Variants in SND1 observed in about 807,000 individuals in gnomAD.
The protein encoded by SND1 is staphylococcal nuclease and tudor domain containing 1, also known as staphylococcal nuclease domain-containing protein 1.
SND1 carries 38 observed loss-of-function variants against 121.7 expected under a neutral mutation model. The ratio of observed to expected loss-of-function variants is 0.31; its 90% CI spans 0.24 to 0.41. The LOEUF is 0.41. Among genes scored for constraint, SND1 ranks in the 10% least tolerant of loss-of-function variants. The probability of loss-of-function intolerance (pLI) is 1.00; values close to 1 mark genes in which losing one functional copy is unlikely to be tolerated. For missense variants in SND1, 868 were observed against 1,184.6 expected (o/e 0.73, Z 3.92); for synonymous variants, 401 against 447.4 (o/e 0.90, Z 1.31).
At chr7:127,848,662 G>A (rs943837196) in intron 12 of SND1, among the ~76,000 whole-genome samples, 2 of 152,150 alleles carry the variant, frequency 1.3e-5, no homozygotes, top group Non-Finnish European at 2.9e-5. Context: ...TTATTAAAGA[G>A]AACAGCAGAC....
In SND1 at chr7:127,807,519, T is replaced by A. The variant is rs1016328912; in HGVS notation, c.1188T>A (p.Ile396=). ...KNKKLRPLYD[I]PYMFEAREFL... Reference sequence around the variant, plus strand: ...AGAAACTGCGTCCCCTGTATGACATTCCTTACATGTTTGAGGCCCGGGAAT... The same window carrying A: ...AGAAACTGCGTCCCCTGTATGACATACCTTACATGTTTGAGGCCCGGGAAT... The change falls in exon 11 of 24, where the codon ATT becomes ATA. Residue 396 remains isoleucine, a synonymous_variant. Coordinates refer to ENST00000354725, the MANE Select transcript of SND1 (RefSeq NM_014390.4). The A allele has an allele frequency of 6.2e-7, 1 of 1,614,014 alleles. No individual in the cohort carries two copies. The highest frequency in any genetic ancestry group is 1.3e-5 in the African/African-American group (1 of 74,942).
chr7:127,716,348 G>T (rs776303369), intron 9 of SND1, among the ~76,000 whole-genome samples: 5 of 152,170 alleles, frequency 3.3e-5, no homozygotes, highest in African/African-American at 1.2e-4. Context: ...ATCATGGGAC[G>T]TGTTTCCGTT....
chr7:127,725,368 G>T (rs1796564425), intron 10 of SND1, among the ~76,000 whole-genome samples: 1 of 152,176 alleles, frequency 6.6e-6, no homozygotes, highest in Non-Finnish European at 1.5e-5. Flanking sequence ...TCATGCCAGG[G>T]GCCATGGCTT....
At chr7:127,664,452 G>A (rs948032819) in intron 1 of SND1, among the ~76,000 whole-genome samples, 1 of 152,182 alleles carries the variant, frequency 6.6e-6, no homozygotes, top group Admixed American at 6.5e-5. Flanking sequence ...TTGGGGTTGG[G>A]GAAAATGGGG....
At chr7:127,935,961 C>G (rs1801052421) in intron 15 of SND1, among the ~76,000 whole-genome samples, 1 of 152,174 alleles carries the variant, frequency 6.6e-6, no homozygotes, top group Non-Finnish European at 1.5e-5. Context: ...TTTTTTCAGG[C>G]AGACGGCCCC....
chr7:127,804,942 C>A (rs1458152193), intron 10 of SND1, among the ~76,000 whole-genome samples: 3 of 152,070 alleles, frequency 2.0e-5, no homozygotes, highest in African/African-American at 7.2e-5. Context: ...CTTCTTTATT[C>A]CTGAGGGCTG....
At chr7:127,768,695 T>G (rs988899537) in intron 10 of SND1, among the ~76,000 whole-genome samples, 7 of 152,218 alleles carry the variant, frequency 4.6e-5, no homozygotes, top group African/African-American at 1.7e-4. Flanking sequence ...TATTTAAATA[T>G]CAGAATGACA....
At chr7:128,048,573 G>T (rs6962635) in intron 16 of SND1, among the ~76,000 whole-genome samples, 1 of 151,984 alleles carries the variant, frequency 6.6e-6, no homozygotes, top group South Asian at 2.1e-4. Context: ...GGAAAAACAC[G>T]CAGCCTGTTT....
Position 127,748,041 on chromosome 7 carries a change from A to G in SND1, c.1152+26641A>G, listed in dbSNP as rs146405470. 4.8e-3 allele frequency among the ~76,000 whole-genome samples: 737 copies of G among 152,096 alleles called. 4 individuals carry two copies. The highest frequency in any genetic ancestry group is 0.017 in the African/African-American group (711 of 41,486). ...CTTGGTTTGTTTCTGTCTTTCTTTT[A>G]TGTTTGGTTACCAACTGGCCAAGTC... is the stretch of plus-strand genomic sequence containing the variant. On this transcript the variant is annotated intron_variant, in intron 10 of 23. Transcript: ENST00000354725.
intron 12 of SND1, among the ~76,000 whole-genome samples, chr7:127,845,455 C>T (rs910597976): frequency 3.3e-5 from 5 of 152,344 alleles, no homozygotes; most frequent in South Asian, 2.1e-4. Context: ...TTTACCTTCA[C>T]GCCATCACAG....
chr7:127,834,445 G>C (rs1798828048), intron 11 of SND1, among the ~76,000 whole-genome samples: 1 of 152,180 alleles, frequency 6.6e-6, no homozygotes, highest in African/African-American at 2.4e-5. Flanking sequence ...CCAAAACAAT[G>C]ACTGTAAATC....
chr7:127,785,406 G>C (rs1797793998), intron 10 of SND1, among the ~76,000 whole-genome samples: 1 of 152,174 alleles, frequency 6.6e-6, no homozygotes, highest in Admixed American at 6.5e-5. Context: ...TGTGAATTCT[G>C]ATGCATGCTC....
At chr7:127,803,644 T>A (rs1168042193) in intron 10 of SND1, among the ~76,000 whole-genome samples, 1 of 152,170 alleles carries the variant, frequency 6.6e-6, no homozygotes, top group Non-Finnish European at 1.5e-5. Context: ...AGTTTTGGGG[T>A]ACAATGTTTA....
chr7:127,954,330 C>A (rs1478878857), intron 15 of SND1, among the ~76,000 whole-genome samples: 1 of 152,156 alleles, frequency 6.6e-6, no homozygotes, highest in African/African-American at 2.4e-5. Flanking sequence ...CCCCAAAATG[C>A]AGTCTATAAA....
chr7:127,843,875 T>A (rs189236895), intron 11 of SND1, among the ~76,000 whole-genome samples: 42 of 152,362 alleles, frequency 2.8e-4, no homozygotes, highest in Non-Finnish European at 5.0e-4. Context: ...TTCCTATTGC[T>A]CCACATCCTT....
At chr7:127,876,516 G>A (rs1799693977) in intron 12 of SND1, among the ~76,000 whole-genome samples, 1 of 152,144 alleles carries the variant, frequency 6.6e-6, no homozygotes, top group South Asian at 2.1e-4. Flanking sequence ...AGGGCTGTTG[G>A]GAGGAGGAGC....
At chr7:127,862,514 A>G (rs552279962) in intron 12 of SND1, among the ~76,000 whole-genome samples, 1 of 152,338 alleles carries the variant, frequency 6.6e-6, no homozygotes, top group African/African-American at 2.4e-5. Flanking sequence ...CTAAATTGGA[A>G]CTTGTTTCTT....
chr7:127,919,046 T>C (rs1174612120), intron 14 of SND1, among the ~76,000 whole-genome samples: 1 of 152,226 alleles, frequency 6.6e-6, no homozygotes, highest in African/African-American at 2.4e-5. Context: ...TTTTTATTAA[T>C]GCTTTAAAAA....
intron 16 of SND1, among the ~76,000 whole-genome samples, chr7:128,038,038 G>T (rs922460788): frequency 6.6e-6 from 1 of 152,148 alleles, no homozygotes; most frequent in Non-Finnish European, 1.5e-5. Flanking sequence ...TCCAGATCAG[G>T]GCCAGCAGGT....
Sources: gnomAD v4.1 joint callset for allele counts (sites outside exome capture counted in the v4.1 genomes callset) on GRCh38, gnomAD v4.1.1 for gene constraint, MANE v1.5 for transcripts, NCBI Gene and HGNC (gene_info 2026-07-23, HGNC 2026-07-21) for gene names.